Variants in GLRA3 observed in about 807,000 individuals in gnomAD.
GLRA3 encodes glycine receptor subunit alpha-3.
In GLRA3, 44 loss-of-function variants were observed where a neutral mutation model predicts 60.4. That is an observed-to-expected ratio of 0.73 (90% CI 0.57 to 0.94). The LOEUF (loss-of-function observed/expected upper bound fraction) is 0.94, where lower values mean the gene tolerates loss of function less well. Among genes scored for constraint, GLRA3 ranks in the 40% least tolerant of loss-of-function variants. The pLI is 0.00. For missense variants in GLRA3, 508 were observed against 564.6 expected (o/e 0.90, Z 1.02); for synonymous variants, 223 against 192.9 (o/e 1.16, Z -1.29).
chr4:174,793,693 C>T lies in GLRA3; in HGVS notation c.72-4750G>A, dbSNP rs146186330. Reference sequence around the variant, plus strand: ...AGGCATGAGCCACTGCACCTGGCCACGATTTGCTTTTAAAAGAAAGGATGC... The same window carrying T: ...AGGCATGAGCCACTGCACCTGGCCATGATTTGCTTTTAAAAGAAAGGATGC... On this transcript the variant is annotated intron_variant, in intron 1 of 9. Coordinates refer to ENST00000274093, the MANE Select transcript of GLRA3 (RefSeq NM_006529.4). 2.9e-3 allele frequency among the ~76,000 whole-genome samples: 436 copies of T among 152,016 alleles called. 3 individuals carry two copies. The highest frequency in any genetic ancestry group is 9.8e-3 in the African/African-American group (405 of 41,496).
At chr4:174,789,528 TG>T (rs1739244528) in intron 1 of GLRA3, among the ~76,000 whole-genome samples, 1 of 152,306 alleles carries the variant, frequency 6.6e-6, no homozygotes, top group South Asian at 2.1e-4. Context: ...ATCTAAAATT[TG>T]TGTGTCAAGA....
chr4:174,757,118 A>G (rs1737748897), intron 3 of GLRA3, among the ~76,000 whole-genome samples: 1 of 152,278 alleles, frequency 6.6e-6, no homozygotes, highest in South Asian at 2.1e-4. Flanking sequence ...AACAGTTTGC[A>G]TTAACATATT....
In GLRA3 at chr4:174,792,395, C is replaced by A. The variant is rs554002004; in HGVS notation, c.72-3452G>T. 1.9e-3 allele frequency among the ~76,000 whole-genome samples: 295 copies of A among 152,020 alleles called. 2 individuals are homozygous for A. Among genetic ancestry groups the A allele is most frequent in the African/African-American group, 6.7e-3 (277 of 41,450 alleles). On this transcript the variant is annotated intron_variant, in intron 1 of 9. Coordinates refer to ENST00000274093, the MANE Select transcript of GLRA3 (RefSeq NM_006529.4). ...GTTCTAACTTCTTCTTATAAGCACA[C>A]AAGGCATATTGGATTAGGGCATATT...
chr4:174,789,058 C>A, intron 1 of GLRA3, 115 bp from the exon 2 acceptor site: 4 of 603,366 alleles, frequency 6.6e-6, no homozygotes, highest in Admixed American at 3.4e-5. Context: ...AAAACATAAA[C>A]CTTTAGATAT....
chr4:174,678,023 T>C (rs1168907997), intron 6 of GLRA3, among the ~76,000 whole-genome samples: 1 of 152,196 alleles, frequency 6.6e-6, no homozygotes, highest in Non-Finnish European at 1.5e-5. Flanking sequence ...CCATTTTCTT[T>C]AAAGTAAGTG....
Position 174,728,633 on chromosome 4 carries a change from A to T in GLRA3, c.333T>A (p.Tyr111Ter), listed in dbSNP as rs1693425379. 4 of 1,612,422 alleles carry T rather than the reference A, an allele frequency of 2.5e-6. No individual in the cohort carries two copies. The highest frequency in any genetic ancestry group is 2.5e-6 in the Non-Finnish European group (3 of 1,178,466). Residue 111 changes from tyrosine to a stop codon, truncating the protein, a stop_gained, in exon 4 of 10, where the codon TAT becomes TAA. Transcript: ENST00000274093. LOFTEE classifies it high-confidence loss of function. ...WNDPRLAYSE[Y>*]PDDSLDLDPS... ...GGTCGAGGTCTAAAGAGTCGTCAGG[A>T]TATTCACTGTACGCGAGGCGGGGAT...
At chr4:174,658,059 T>C (rs1485263550) in intron 8 of GLRA3, among the ~76,000 whole-genome samples, 3 of 152,174 alleles carry the variant, frequency 2.0e-5, no homozygotes, top group African/African-American at 4.8e-5. Flanking sequence ...AATCAATACA[T>C]AAATTGCAGT....
At chr4:174,735,049 G>C (rs942548930) in intron 3 of GLRA3, among the ~76,000 whole-genome samples, 6 of 152,244 alleles carry the variant, frequency 3.9e-5, no homozygotes, top group African/African-American at 1.4e-4. Context: ...CCGCTAAGGT[G>C]CTGCACAGCT....
intron 1 of GLRA3, among the ~76,000 whole-genome samples, chr4:174,804,890 C>G (rs1435393094): frequency 6.6e-6 from 1 of 152,136 alleles, no homozygotes; most frequent in Non-Finnish European, 1.5e-5. Flanking sequence ...CCACCCCACC[C>G]TAATCTTTAT....
At chr4:174,691,583 G>A (rs528905391) in intron 5 of GLRA3, among the ~76,000 whole-genome samples, 17 of 152,314 alleles carry the variant, frequency 1.1e-4, no homozygotes, top group Admixed American at 9.1e-4. Flanking sequence ...TGGTGGAGAC[G>A]GGGTTTCGCT....
intron 2 of GLRA3, among the ~76,000 whole-genome samples, chr4:174,775,382 T>A (rs1440032073): frequency 6.6e-6 from 1 of 152,062 alleles, no homozygotes; most frequent in Non-Finnish European, 1.5e-5. Flanking sequence ...AATAGAGTAC[T>A]AGAAAGAGTC....
intron 5 of GLRA3, among the ~76,000 whole-genome samples, chr4:174,714,011 C>G (rs1337017014): frequency 6.6e-6 from 1 of 152,194 alleles, no homozygotes; most frequent in East Asian, 1.9e-4. Flanking sequence ...TTCTCTCTGA[C>G]ACACAGGCAT....
intron 5 of GLRA3, among the ~76,000 whole-genome samples, chr4:174,698,464 C>T (rs928047586): frequency 6.6e-6 from 1 of 152,090 alleles, no homozygotes; most frequent in African/African-American, 2.4e-5. Flanking sequence ...GTTGGGATTA[C>T]AAGTGTGAGC....
intron 2 of GLRA3, among the ~76,000 whole-genome samples, chr4:174,772,900 G>C (rs1738447900): frequency 6.6e-6 from 1 of 152,128 alleles, no homozygotes; most frequent in Non-Finnish European, 1.5e-5. Context: ...AGATTACAAA[G>C]AATGAAATGG....
chr4:174,824,894 G>T (rs1459556361), intron 1 of GLRA3, among the ~76,000 whole-genome samples: 1 of 152,088 alleles, frequency 6.6e-6, no homozygotes, highest in Non-Finnish European at 1.5e-5. Flanking sequence ...ATTGTGCTTA[G>T]CACAATTTGT....
At chr4:174,783,258 CT>C (rs1312837578) in intron 2 of GLRA3, among the ~76,000 whole-genome samples, 3 of 145,698 alleles carry the variant, frequency 2.1e-5, no homozygotes, top group African/African-American at 5.0e-5. Flanking sequence ...GGAAAACTGG[CT>C]AGCCATATGT....
intron 3 of GLRA3, among the ~76,000 whole-genome samples, chr4:174,745,906 T>G (rs1737226362): frequency 6.6e-6 from 1 of 152,022 alleles, no homozygotes; most frequent in Non-Finnish European, 1.5e-5. Context: ...GTGCTCAACA[T>G]CACTATCATT....
At chr4:174,690,691 G>A (rs1374613831) in intron 5 of GLRA3, among the ~76,000 whole-genome samples, 4 of 152,084 alleles carry the variant, frequency 2.6e-5, no homozygotes, top group Admixed American at 2.6e-4. Context: ...GCCAGTGTCT[G>A]TTGTTCCCTT....
intron 3 of GLRA3, among the ~76,000 whole-genome samples, chr4:174,759,412 G>T (rs1737853254): frequency 6.6e-6 from 1 of 151,970 alleles, no homozygotes; most frequent in Admixed American, 6.6e-5. Flanking sequence ...AATTTATGAG[G>T]CATATGCCTT....
Sources: allele counts gnomAD v4.1 joint callset (sites outside exome capture counted in the v4.1 genomes callset), GRCh38; gene constraint gnomAD v4.1.1; transcripts MANE v1.5; gene names NCBI Gene and HGNC (gene_info 2026-07-23, HGNC 2026-07-21).